Variants in LGR4 observed in about 807,000 individuals in gnomAD.
LGR4 encodes the protein leucine rich repeat containing G protein-coupled receptor 4.
In LGR4, 44 loss-of-function variants were observed where a neutral mutation model predicts 84.8. That is an observed-to-expected ratio of 0.52 (90% CI 0.41 to 0.67). LGR4 has a LOEUF of 0.67. Among genes scored for constraint, LGR4 ranks in the 30% least tolerant of loss-of-function variants. LGR4 has a pLI of 0.00. For missense variants in LGR4, 1,032 were observed against 1,131.4 expected (o/e 0.91, Z 1.26); for synonymous variants, 429 against 434.3 (o/e 0.99, Z 0.15).
chr11:27,436,437 G>A (rs1864213318), intron 1 of LGR4, among the ~76,000 whole-genome samples: 1 of 151,704 alleles, frequency 6.6e-6, no homozygotes, highest in African/African-American at 2.4e-5. Context: ...AAACTGTCAG[G>A]CACTAATGAA....
At position 27,368,735 on chromosome 11, in the gene LGR4, C is replaced by T. The variant is rs200625629; in HGVS notation, c.1988G>A (p.Arg663Gln). The change falls in exon 18 of 18, where the codon CGG becomes CAG. Residue 663 changes from arginine to glutamine, a missense_variant. Physicochemically the swap from Arg to Gln is conservative, Grantham distance 43. Transcript: ENST00000379214. ...TAGGAAAGCCAAAAGGGCAGCAACC[C>T]GGAACTGTTTGAGATGATTGCTCTT... ...NGKSNHLKQF[R>Q]VAALLAFLGA... The T allele has an allele frequency of 2.4e-5, 38 of 1,613,710 alleles. No homozygotes were observed. The Admixed American group carries it at 5.2e-4, about 22-fold the overall frequency.
At chr11:27,384,301 C>T in intron 6 of LGR4, 35 bp downstream of exon 6, 1 of 1,353,418 alleles carries the variant, frequency 7.4e-7, no homozygotes, top group South Asian at 1.2e-5. Context: ...CTTTCAATAT[C>T]ACAATGCAGT....
chr11:27,399,019 TCCTGC>T (rs957378666), intron 2 of LGR4, among the ~76,000 whole-genome samples: 1 of 152,084 alleles, frequency 6.6e-6, no homozygotes, highest in Non-Finnish European at 1.5e-5. Flanking sequence ...CGATTTCTCC[TCCTGC>T]CTCAGCCTCC....
chr11:27,438,988 C>T lies in LGR4; in HGVS notation c.186-26128G>A, dbSNP rs112417060. Among the ~76,000 whole-genome samples the T allele has an allele frequency of 7.6e-3, 1,150 of 152,222 alleles. 12 individuals carry two copies. Among genetic ancestry groups the T allele is most frequent in the Non-Finnish European group, 0.011 (718 of 68,016 alleles). ...GTCCTATTTCTTTGGAAAACCCAGG[C>T]TAATACCGGCCCCTACAACAAGAAT... On this transcript the variant is annotated intron_variant, in intron 1 of 17. Coordinates refer to ENST00000379214, the MANE Select transcript of LGR4 (RefSeq NM_018490.5).
At chr11:27,446,228 T>C (rs909385536) in intron 1 of LGR4, among the ~76,000 whole-genome samples, 13 of 152,240 alleles carry the variant, frequency 8.5e-5, no homozygotes, top group Admixed American at 7.9e-4. Context: ...TCCCATTCTG[T>C]AGGTTACCTG....
At chr11:27,468,929 A>G (rs1303296779) in intron 1 of LGR4, among the ~76,000 whole-genome samples, 1 of 152,202 alleles carries the variant, frequency 6.6e-6, no homozygotes, top group Non-Finnish European at 1.5e-5. Context: ...GAGGACTCAC[A>G]TACACATTCC....
intron 1 of LGR4, among the ~76,000 whole-genome samples, chr11:27,448,118 G>C (rs940797334): frequency 6.6e-6 from 1 of 152,042 alleles, no homozygotes; most frequent in African/African-American, 2.4e-5. Context: ...CAAATGTGTG[G>C]TAAAATCATT....
At chr11:27,430,420 G>A (rs1221881957) in intron 1 of LGR4, among the ~76,000 whole-genome samples, 2 of 152,126 alleles carry the variant, frequency 1.3e-5, no homozygotes, top group African/African-American at 2.4e-5. Context: ...TTACCTTCAG[G>A]GGAATGGAGG....
At chr11:27,402,687 G>A (rs890236690) in intron 2 of LGR4, among the ~76,000 whole-genome samples, 24 of 152,162 alleles carry the variant, frequency 1.6e-4, no homozygotes, top group African/African-American at 4.8e-4. Context: ...ATCCCCTGCC[G>A]TTTGGCCATG....
chr11:27,392,985 G>C (rs1329929221), intron 2 of LGR4, among the ~76,000 whole-genome samples: 1 of 152,154 alleles, frequency 6.6e-6, no homozygotes, highest in Non-Finnish European at 1.5e-5. Flanking sequence ...CATATCCAGT[G>C]CAAAAGAGAG....
chr11:27,382,241 A>G lies in LGR4; in HGVS notation c.705T>C (p.Asn235=), dbSNP rs779339604. The part of the protein sequence containing the change: ...DNLETLDLNY[N]NLGEFPQAIK... ...TAGCCTGAGGAAATTCCCCCAAGTTATTATAATTCAAGTCTCTAGAAAAAA... is the reference window on the plus strand; with the variant it reads ...TAGCCTGAGGAAATTCCCCCAAGTTGTTATAATTCAAGTCTCTAGAAAAAA... Residue 235 remains asparagine, a synonymous_variant, in exon 7 of 18, where the codon AAT becomes AAC. Coordinates refer to ENST00000379214, the MANE Select transcript of LGR4 (RefSeq NM_018490.5). 1.9e-6 allele frequency: 3 copies of G among 1,606,828 alleles called. No individual in the cohort carries two copies. Among genetic ancestry groups the G allele is most frequent in the Non-Finnish European group, 2.6e-6 (3 of 1,173,856 alleles).
intron 1 of LGR4, among the ~76,000 whole-genome samples, chr11:27,444,891 A>G (rs73448029): frequency 0.047 from 7,106 of 152,218 alleles, 485 homozygotes; most frequent in African/African-American, 0.15. Flanking sequence ...TCTTGCCACA[A>G]TTCACCAAAG....
chr11:27,412,649 T>C, intron 2 of LGR4, 140 bp downstream of exon 2: 1 of 679,808 alleles, frequency 1.5e-6, no homozygotes, highest in Middle Eastern at 2.4e-4. Context: ...CCAAGAAACA[T>C]GATTTCCTCC....
chr11:27,460,106 G>A (rs1864655625), intron 1 of LGR4, among the ~76,000 whole-genome samples: 1 of 151,954 alleles, frequency 6.6e-6, no homozygotes, highest in African/African-American at 2.4e-5. Flanking sequence ...AAGAATAAGA[G>A]CTGAGAAAGG....
intron 1 of LGR4, among the ~76,000 whole-genome samples, chr11:27,467,288 C>T (rs967102649): frequency 2.6e-5 from 4 of 151,094 alleles, no homozygotes; most frequent in Admixed American, 6.6e-5. Context: ...CAAAATAAGG[C>T]GGGGCACGAT....
intron 1 of LGR4, among the ~76,000 whole-genome samples, chr11:27,425,701 C>G (rs989543805): frequency 4.6e-5 from 7 of 152,118 alleles, no homozygotes; most frequent in African/African-American, 1.7e-4. Flanking sequence ...GACCATCCCA[C>G]TAATAGCAGT....
intron 11 of LGR4, 64 bp downstream of exon 11, chr11:27,378,633 A>T: frequency 8.9e-7 from 1 of 1,123,400 alleles, no homozygotes; most frequent in Non-Finnish European, 1.3e-6. Flanking sequence ...CTTAAAATAA[A>T]ATTGAACATG....
rs377668501 is a variant in LGR4, at chr11:27,412,932, A to G, written c.186-72T>C. On this transcript the variant is annotated intron_variant, in intron 1 of 17. Transcript: ENST00000379214. ...CTTAAAGTATTTAATCCAACAGAAAACTAACTAGGTGTTACAATTTTGTGA... is the reference window on the plus strand; with the variant it reads ...CTTAAAGTATTTAATCCAACAGAAAGCTAACTAGGTGTTACAATTTTGTGA... 173 of 1,001,186 alleles carry G rather than the reference A, an allele frequency of 1.7e-4. 1 individual carries two copies. In the East Asian group the frequency reaches 2.4e-3, roughly 14 times the overall value. The allele number at this position is 1,001,186 out of a possible 1,614,324, so 62.0% of individuals were successfully genotyped here.
At chr11:27,403,414 G>A (rs1720054289) in intron 2 of LGR4, among the ~76,000 whole-genome samples, 1 of 152,150 alleles carries the variant, frequency 6.6e-6, no homozygotes, top group African/African-American at 2.4e-5. Context: ...CTGCATTCTA[G>A]CCTGGACAAT....
Sources: allele counts gnomAD v4.1 joint callset (sites outside exome capture counted in the v4.1 genomes callset), GRCh38; gene constraint gnomAD v4.1.1; transcripts MANE v1.5; gene names NCBI Gene and HGNC (gene_info 2026-07-23, HGNC 2026-07-21).